Variants in CELF2 observed in about 807,000 individuals in gnomAD.
The protein encoded by CELF2 is CUG triplet repeat RNA-binding protein 2.
Under a neutral mutation model 62.6 loss-of-function variants are expected in CELF2, and 8 were observed. The observed-to-expected ratio is 0.13, with a 90% confidence interval of 0.07 to 0.23. The LOEUF is 0.23. Among genes scored for constraint, CELF2 ranks in the 10% least tolerant of loss-of-function variants. CELF2 has a pLI of 1.00. For synonymous variants in CELF2, 258 were observed against 250.0 expected (o/e 1.03, Z -0.30); for missense variants, 333 against 671.0 (o/e 0.50, Z 5.56).
chr10:10,674,847 A>C, the CELF2 span, among the ~76,000 whole-genome samples: 1 of 151,796 alleles, frequency 6.6e-6, no homozygotes, highest in Admixed American at 6.6e-5. Context: ...GCCAGTGTGA[A>C]TACCTTATAA....
intron 1 of CELF2, among the ~76,000 whole-genome samples, chr10:11,095,135 T>C (rs902598539): frequency 6.6e-6 from 1 of 152,210 alleles, no homozygotes; most frequent in African/African-American, 2.4e-5. Flanking sequence ...AGCACTGGCC[T>C]TGATGCGTGG....
chr10:11,151,118 C>T (rs1564955496), intron 1 of CELF2, among the ~76,000 whole-genome samples: 1 of 152,226 alleles, frequency 6.6e-6, no homozygotes, highest in South Asian at 2.1e-4. Flanking sequence ...TCCATGACCA[C>T]AGCTGTTTCC....
chr10:10,495,883 C>G, the CELF2 span, among the ~76,000 whole-genome samples: 1 of 152,168 alleles, frequency 6.6e-6, no homozygotes, highest in African/African-American at 2.4e-5. Flanking sequence ...AAAACATGGA[C>G]ATAATTTAAA....
At chr10:10,906,982 G>A (rs2134245511) in intron 1 of CELF2, among the ~76,000 whole-genome samples, 1 of 152,112 alleles carries the variant, frequency 6.6e-6, no homozygotes, top group South Asian at 2.1e-4. Context: ...CTCCCAAAGT[G>A]CTGGGATTAC....
chr10:10,463,131 A>C, the CELF2 span, among the ~76,000 whole-genome samples: 1 of 152,178 alleles, frequency 6.6e-6, no homozygotes, highest in East Asian at 1.9e-4. Flanking sequence ...AATCCCTTTC[A>C]TCTGTAACTA....
intron 2 of CELF2, among the ~76,000 whole-genome samples, chr10:11,193,641 C>A (rs1195923845): frequency 6.6e-6 from 1 of 152,142 alleles, no homozygotes; most frequent in Non-Finnish European, 1.5e-5. Context: ...TTAAACCCAC[C>A]TAGGGGCCGG....
chr10:10,586,967 G>A, the CELF2 span, among the ~76,000 whole-genome samples: 5 of 152,150 alleles, frequency 3.3e-5, no homozygotes, highest in South Asian at 1.0e-3. Flanking sequence ...GCAGGGTACA[G>A]GGAGAAGGCC....
chr10:11,257,336 CAAAAAAAAA>C (rs61363639), intron 4 of CELF2, among the ~76,000 whole-genome samples: 2 of 114,750 alleles, frequency 1.7e-5, no homozygotes, highest in Non-Finnish European at 1.8e-5. Context: ...AGACCATCTA[CAAAAAAAAA>C]AAAAAAAAAA....
At chr10:11,179,786 G>T (rs531119358) in intron 2 of CELF2, among the ~76,000 whole-genome samples, 3 of 152,300 alleles carry the variant, frequency 2.0e-5, no homozygotes, top group Admixed American at 2.0e-4. Flanking sequence ...TAAAGGTTAA[G>T]AACAACTGCA....
At chr10:10,496,968 T>C in the CELF2 span, among the ~76,000 whole-genome samples, 1 of 152,050 alleles carries the variant, frequency 6.6e-6, no homozygotes, top group Non-Finnish European at 1.5e-5. Flanking sequence ...GGTGGGCGGA[T>C]CACTTCAGGC....
chr10:10,840,891 T>G (rs534501210), intron 1 of CELF2, among the ~76,000 whole-genome samples: 6 of 152,248 alleles, frequency 3.9e-5, no homozygotes, highest in African/African-American at 1.4e-4. Flanking sequence ...CCTCCCTGTG[T>G]CCATGTGTTC....
intron 1 of CELF2, among the ~76,000 whole-genome samples, chr10:10,897,358 G>T (rs2062630786): frequency 6.6e-6 from 1 of 152,138 alleles, no homozygotes; most frequent in African/African-American, 2.4e-5. Flanking sequence ...AGTAGAAATT[G>T]TAGCAACAAA....
At chr10:10,894,377 T>A (rs1328563109) in intron 1 of CELF2, among the ~76,000 whole-genome samples, 2 of 152,214 alleles carry the variant, frequency 1.3e-5, no homozygotes, top group African/African-American at 4.8e-5. Context: ...TAATGTAATG[T>A]CTAAAATGAC....
chr10:11,036,633 G>A (rs2060993063), intron 1 of CELF2, among the ~76,000 whole-genome samples: 1 of 152,170 alleles, frequency 6.6e-6, no homozygotes, highest in Non-Finnish European at 1.5e-5. Flanking sequence ...CCACCTGGTG[G>A]TGTATTGATC....
chr10:10,878,093 G>T (rs1591470208), intron 1 of CELF2, among the ~76,000 whole-genome samples: 1 of 152,174 alleles, frequency 6.6e-6, no homozygotes, highest in African/African-American at 2.4e-5. Context: ...GCTTGGGATT[G>T]CTCGCCCGCC....
intron 5 of CELF2, among the ~76,000 whole-genome samples, 169 bp from the exon 6 acceptor site, chr10:11,266,429 A>G (rs1182329392): frequency 5.3e-5 from 8 of 152,260 alleles, no homozygotes; most frequent in Non-Finnish European, 1.2e-4. Context: ...GTGAATAAAA[A>G]GCAAAATAAG....
chr10:10,576,844 G>A, the CELF2 span, among the ~76,000 whole-genome samples: 3 of 152,150 alleles, frequency 2.0e-5, no homozygotes, highest in Non-Finnish European at 4.4e-5. Flanking sequence ...TCTTACCAGT[G>A]TGTTGTTTAA....
chr10:11,074,376 C>T (rs2209285), intron 1 of CELF2, among the ~76,000 whole-genome samples: 40,832 of 151,992 alleles, frequency 0.27, 6,068 homozygotes, highest in African/African-American at 0.38. Context: ...TAGTGACTGT[C>T]GCTTCCAGCC....
chr10:10,988,548 A>G (rs1166550056), intron 2 of CELF2, among the ~76,000 whole-genome samples: 1 of 152,098 alleles, frequency 6.6e-6, no homozygotes, highest in Non-Finnish European at 1.5e-5. Context: ...ATAACAGACT[A>G]CATATTAGGT....
Sources: allele counts gnomAD v4.1 joint callset (sites outside exome capture counted in the v4.1 genomes callset), GRCh38; gene constraint gnomAD v4.1.1; transcripts MANE v1.5; gene names NCBI Gene and HGNC (gene_info 2026-07-23, HGNC 2026-07-21).